TEX26: variants seen among roughly 807,000 people sequenced by gnomAD.
TEX26 encodes testis expressed 26, also known as testis-expressed protein 26.
In TEX26, 34 loss-of-function variants were observed where a neutral mutation model predicts 35.3. That is an observed-to-expected ratio of 0.96 (90% CI 0.73 to 1.28). The LOEUF is 1.28. TEX26 is among the 50% of genes most tolerant of loss of function. TEX26 has a pLI of 0.00. For missense variants in TEX26, 371 were observed against 330.1 expected (o/e 1.12, Z -0.96); for synonymous variants, 136 against 111.8 (o/e 1.22, Z -1.36).
chr13:30,937,773 C>T (rs1014309460), intron 1 of TEX26, among the ~76,000 whole-genome samples: 8 of 152,090 alleles, frequency 5.3e-5, no homozygotes, highest in African/African-American at 1.9e-4. Context: ...GACTAAGGGG[C>T]TCTTAAGTGG....
Position 30,966,410 on chromosome 13 carries a change from T to C in TEX26, c.646+12T>C. 1.3e-6 allele frequency: 2 copies of C among 1,536,112 alleles called. No individual in the cohort carries two copies. The highest frequency in any genetic ancestry group is 1.8e-6 in the Non-Finnish European group (2 of 1,140,196). Reference sequence around the variant, plus strand: ...TTCTCAGGGTCTAGGTGAGTACAGCTGCAGTTTCTTTTTCTTTTTCTCTTT... The same window carrying C: ...TTCTCAGGGTCTAGGTGAGTACAGCCGCAGTTTCTTTTTCTTTTTCTCTTT... On this transcript the variant is annotated intron_variant, in intron 5 of 6. Transcript: ENST00000380473.
chr13:30,960,876 T>G lies in TEX26; in HGVS notation c.469+3847T>G, dbSNP rs117179239. On this transcript the variant is annotated intron_variant, in intron 4 of 6. Coordinates refer to ENST00000380473, the MANE Select transcript of TEX26 (RefSeq NM_152325.3). ...CAAGTTTCACTTTTGTGGACTCTTC[T>G]TTTTCTTAAAGTGGGTGCACACAAA... Among the ~76,000 whole-genome samples the G allele has an allele frequency of 7.0e-3, 1,066 of 152,340 alleles. 7 individuals are homozygous for G. Among genetic ancestry groups the G allele is most frequent in the Non-Finnish European group, 0.011 (748 of 68,038 alleles).
chr13:30,965,311 A>G (rs1954488243), intron 4 of TEX26, among the ~76,000 whole-genome samples: 1 of 152,240 alleles, frequency 6.6e-6, no homozygotes, highest in Admixed American at 6.5e-5. Context: ...AACGTATACC[A>G]GTAGGTACCA....
chr13:30,947,802 A>G (rs954448326), intron 2 of TEX26, among the ~76,000 whole-genome samples: 8 of 152,090 alleles, frequency 5.3e-5, no homozygotes, highest in Admixed American at 1.3e-4. Context: ...GGTTTGCTAC[A>G]TATGTATACA....
intron 6 of TEX26, among the ~76,000 whole-genome samples, chr13:30,974,131 A>AATATATAT (rs1555271791): frequency 3.1e-4 from 26 of 84,402 alleles, no homozygotes; most frequent in Admixed American, 7.8e-4. Flanking sequence ...AAAAAAAAAA[A>AATATATAT]ATATATATAT....
chr13:30,965,103 C>A (rs981711697), intron 4 of TEX26, among the ~76,000 whole-genome samples: 1 of 152,128 alleles, frequency 6.6e-6, no homozygotes, highest in African/African-American at 2.4e-5. Flanking sequence ...AACCTGTCTT[C>A]TGTATGGGCA....
chr13:30,966,094 G>C (rs937726508), intron 4 of TEX26, 128 bp from the exon 5 acceptor site: 1 of 946,388 alleles, frequency 1.1e-6, no homozygotes, highest in African/African-American at 1.7e-5. Context: ...TGACAAAGCA[G>C]AAAATTATTT....
intron 2 of TEX26, among the ~76,000 whole-genome samples, chr13:30,950,681 C>G (rs915753866): frequency 1.3e-5 from 2 of 152,164 alleles, no homozygotes; most frequent in African/African-American, 4.8e-5. Flanking sequence ...CCTCCCCACA[C>G]ATACCTAGTA....
At chr13:30,948,367 T>G (rs1484400864) in intron 2 of TEX26, among the ~76,000 whole-genome samples, 1 of 152,126 alleles carries the variant, frequency 6.6e-6, no homozygotes, top group East Asian at 1.9e-4. Flanking sequence ...CAGTGTAAAA[T>G]TGTTCCTATT....
At chr13:30,937,798 C>G (rs972703040) in intron 1 of TEX26, among the ~76,000 whole-genome samples, 10 of 152,008 alleles carry the variant, frequency 6.6e-5, no homozygotes, top group African/African-American at 1.9e-4. Context: ...AGAACTTCAG[C>G]CAGGGTTAAG....
intron 3 of TEX26, among the ~76,000 whole-genome samples, chr13:30,955,863 C>T (rs951134172): frequency 2.0e-5 from 3 of 151,888 alleles, no homozygotes; most frequent in Admixed American, 6.6e-5. Flanking sequence ...AGTGCAGGTG[C>T]GGTGGCTGGG....
chr13:30,936,818 TTGAGATAC>T, intron 1 of TEX26: 5 of 985,362 alleles, frequency 5.1e-6, no homozygotes, highest in Non-Finnish European at 6.0e-6. Flanking sequence ...CAAAAGGACA[TTGAGATAC>T]TGAGAAGAAA....
At chr13:30,935,415 G>T (rs747237062) in intron 1 of TEX26, among the ~76,000 whole-genome samples, 1 of 152,252 alleles carries the variant, frequency 6.6e-6, no homozygotes, top group Non-Finnish European at 1.5e-5. Context: ...CAATCAGCAT[G>T]CACTTCCTTC....
At chr13:30,948,087 G>C (rs1324820219) in intron 2 of TEX26, among the ~76,000 whole-genome samples, 1 of 152,126 alleles carries the variant, frequency 6.6e-6, no homozygotes, top group Non-Finnish European at 1.5e-5. Context: ...TTTTATGGCT[G>C]TATAGTATTC....
chr13:30,974,733 A>G, intron 6 of TEX26, 113 bp from the exon 7 acceptor site: 1 of 1,105,656 alleles, frequency 9.0e-7, no homozygotes, highest in Non-Finnish European at 1.3e-6. Context: ...GTCTTACCAA[A>G]TTTGTGTATT....
At chr13:30,940,223 T>C (rs1953427772) in intron 2 of TEX26, among the ~76,000 whole-genome samples, 1 of 151,250 alleles carries the variant, frequency 6.6e-6, no homozygotes, top group Non-Finnish European at 1.5e-5. Context: ...TGTCCCCCTC[T>C]TCTTACCTCC....
intron 2 of TEX26, among the ~76,000 whole-genome samples, chr13:30,946,673 T>TA (rs1953723288): frequency 6.6e-6 from 1 of 152,066 alleles, no homozygotes; most frequent in South Asian, 2.1e-4. Context: ...TATTACAGCC[T>TA]AATTTGGCTC....
chr13:30,972,721 G>T (rs1954755654), intron 6 of TEX26, among the ~76,000 whole-genome samples: 1 of 152,242 alleles, frequency 6.6e-6, no homozygotes, highest in Non-Finnish European at 1.5e-5. Context: ...TGCAACGTCT[G>T]CCTTGAGGAT....
At chr13:30,940,167 A>G (rs1044052641) in intron 2 of TEX26, among the ~76,000 whole-genome samples, 2 of 152,032 alleles carry the variant, frequency 1.3e-5, no homozygotes, top group Non-Finnish European at 2.9e-5. Context: ...AATACTTGTT[A>G]TCATAGCATC....
Sources: allele counts gnomAD v4.1 joint callset (sites outside exome capture counted in the v4.1 genomes callset), GRCh38; gene constraint gnomAD v4.1.1; transcripts MANE v1.5; gene names NCBI Gene and HGNC (gene_info 2026-07-23, HGNC 2026-07-21).